RHOBTB2: variants seen among roughly 807,000 people sequenced by gnomAD.
RHOBTB2 encodes the protein Rho related BTB domain containing 2, also known as rho-related BTB domain-containing protein 2.
Under a neutral mutation model 66.5 loss-of-function variants are expected in RHOBTB2, and 39 were observed. The ratio of observed to expected loss-of-function variants is 0.59; its 90% CI spans 0.45 to 0.77. The LOEUF (loss-of-function observed/expected upper bound fraction) is 0.77. Among genes scored for constraint, RHOBTB2 ranks in the 30% least tolerant of loss-of-function variants. The pLI is 0.00. For synonymous variants in RHOBTB2, 390 were observed against 395.0 expected, an observed-to-expected ratio of 0.99 and a Z score of 0.15; for missense variants, 755 against 999.1, an observed-to-expected ratio of 0.76 and a Z score of 3.29.
At chr8:23,014,909 C>A in intron 8 of RHOBTB2, 131 bp downstream of exon 8, 1 of 724,668 alleles carries the variant, frequency 1.4e-6, no homozygotes, top group Admixed American at 2.2e-5. Flanking sequence ...TCTTTGACTG[C>A]GCGTAGCCCA....
At chr8:22,975,576 G>C in the RHOBTB2 span, among the ~76,000 whole-genome samples, 1 of 152,196 alleles carries the variant, frequency 6.6e-6, no homozygotes, top group Non-Finnish European at 1.5e-5. Context: ...GCACTAGAAA[G>C]TGCTAGAACT....
the RHOBTB2 span, among the ~76,000 whole-genome samples, chr8:22,975,891 T>C: frequency 1.3e-5 from 2 of 152,138 alleles, no homozygotes; most frequent in Non-Finnish European, 2.9e-5. Context: ...CTCACACCTG[T>C]AATCTCAGCA....
chr8:22,995,779 C>T, upstream of RHOBTB2: 1 of 1,448,960 alleles, frequency 6.9e-7, no homozygotes, highest in Non-Finnish European at 9.5e-7. Context: ...GTGCCCCAGC[C>T]TGCACATGGC....
intron 5 of RHOBTB2, 78 bp from the exon 6 acceptor site, chr8:23,007,915 G>A (rs1275046507): frequency 1.3e-6 from 2 of 1,502,584 alleles, no homozygotes; most frequent in African/African-American, 2.8e-5. Flanking sequence ...GGGTTCAGGA[G>A]GAGGCTCCGT....
the RHOBTB2 span, among the ~76,000 whole-genome samples, chr8:22,964,196 AT>A: frequency 6.6e-6 from 1 of 152,174 alleles, no homozygotes; most frequent in Non-Finnish European, 1.5e-5. Context: ...ACCCGCCACC[AT>A]AATTCAGTCA....
intron 1 of RHOBTB2, among the ~76,000 whole-genome samples, chr8:23,002,713 C>T (rs1024319572): frequency 6.6e-6 from 1 of 151,978 alleles, no homozygotes; most frequent in Admixed American, 6.6e-5. Context: ...AAACAAAAAA[C>T]GGTTGTCTGC....
At chr8:22,989,505 T>A (rs886389699) in intron 1 of RHOBTB2, among the ~76,000 whole-genome samples, 7 of 152,228 alleles carry the variant, frequency 4.6e-5, no homozygotes, top group Non-Finnish European at 7.3e-5. Context: ...TGCTTGTGGA[T>A]GTGGCAGGGC....
At chr8:22,979,522 C>T in the RHOBTB2 span, among the ~76,000 whole-genome samples, 2 of 151,826 alleles carry the variant, frequency 1.3e-5, no homozygotes, top group Admixed American at 6.6e-5. Context: ...CTTATGGATA[C>T]GCCATTATTT....
Position 23,017,190 on chromosome 8 carries a change from G to T in RHOBTB2, c.1967-62G>T. The T allele has an allele frequency of 1.9e-6, 3 of 1,594,788 alleles. No homozygotes were observed. Among genetic ancestry groups the T allele is most frequent in the Non-Finnish European group, 2.6e-6 (3 of 1,169,376 alleles). On this transcript the variant is annotated intron_variant, in intron 9 of 9. Transcript: ENST00000251822. The surrounding 1 kb of genome is among the most constrained non-coding windows in gnomAD (Gnocchi z 5.3). Reference sequence around the variant, plus strand: ...GGCCTTGTGGTGGGGTAGGGCTGGTGTCCCACGTTCCTCTTGTCCCTCTGC... The same window carrying T: ...GGCCTTGTGGTGGGGTAGGGCTGGTTTCCCACGTTCCTCTTGTCCCTCTGC...
Position 23,006,870 on chromosome 8 carries a change from A to C in RHOBTB2, c.625A>C (p.Ile209Leu). The C allele has an allele frequency of 6.2e-7, 1 of 1,613,976 alleles. No homozygotes were observed. Among genetic ancestry groups the C allele is most frequent in the Non-Finnish European group, 8.5e-7 (1 of 1,179,970 alleles). The change falls in exon 5 of 10, where the codon ATC (isoleucine) becomes CTC (leucine). Residue 209 changes from isoleucine (I) to leucine (L), a missense_variant. By Grantham distance (5) the Ile-to-Leu change is conservative. This residue lies in a region of RHOBTB2 where 35 missense variants were observed against 38.1 expected (regional missense o/e 0.92). Coordinates refer to ENST00000251822, the MANE Select transcript of RHOBTB2 (RefSeq NM_015178.3). The surrounding 1 kb of genome is among the most constrained non-coding windows in gnomAD (Gnocchi z 6.1). ...TGACAACGCCATCCGAGCTGCACTC[A>C]TCTCCCGCCGCCACCTGCAGTTCTG... Reference protein sequence around the residue: ...VFDNAIRAALISRRHLQFWKS... With the variant: ...VFDNAIRAALLSRRHLQFWKS...
intron 1 of RHOBTB2, among the ~76,000 whole-genome samples, chr8:23,002,336 C>T (rs549252579): frequency 2.6e-5 from 4 of 152,292 alleles, no homozygotes; most frequent in East Asian, 3.9e-4. Flanking sequence ...GTGGGGTTCC[C>T]GGTCCTCAGT....
the RHOBTB2 span, among the ~76,000 whole-genome samples, chr8:22,980,862 T>C: frequency 2.0e-5 from 3 of 152,238 alleles, no homozygotes; most frequent in Admixed American, 6.5e-5. Flanking sequence ...CTTGATTACA[T>C]TAAGTGCACC....
the RHOBTB2 span, among the ~76,000 whole-genome samples, chr8:22,972,685 G>A: frequency 6.6e-6 from 1 of 152,198 alleles, no homozygotes; most frequent in South Asian, 2.1e-4. Flanking sequence ...GATGTGGAGG[G>A]TTGGACCCTA....
chr8:23,000,261 G>T (rs1042659448), intron 1 of RHOBTB2, among the ~76,000 whole-genome samples, 156 bp downstream of exon 1: 19 of 152,254 alleles, frequency 1.2e-4, no homozygotes, highest in Non-Finnish European at 1.8e-4. Context: ...AGCGGGGCTG[G>T]AGCCTAATCC....
the RHOBTB2 span, among the ~76,000 whole-genome samples, chr8:22,968,797 A>AG: frequency 6.6e-6 from 1 of 151,642 alleles, no homozygotes; most frequent in Non-Finnish European, 1.5e-5. Context: ...AATAAAAAAA[A>AG]TCAGATAGTT....
At chr8:22,966,948 C>G in the RHOBTB2 span, among the ~76,000 whole-genome samples, 1 of 152,162 alleles carries the variant, frequency 6.6e-6, no homozygotes, top group East Asian at 1.9e-4. Context: ...CTCTGCACTA[C>G]TGATGGGGAT....
chr8:23,010,044 G>A (rs1354709030), intron 6 of RHOBTB2, among the ~76,000 whole-genome samples: 1 of 152,178 alleles, frequency 6.6e-6, no homozygotes, highest in Non-Finnish European at 1.5e-5. Context: ...TTCTGTGCAG[G>A]GATGGGAGGG....
upstream of RHOBTB2, among the ~76,000 whole-genome samples, chr8:22,982,818 T>C (rs1433932068): frequency 6.6e-6 from 1 of 152,242 alleles, no homozygotes; most frequent in Non-Finnish European, 1.5e-5. Flanking sequence ...TTCCAAAGGC[T>C]GGACAGTCTG....
chr8:23,015,752 C>T lies in RHOBTB2; in HGVS notation c.1966+9C>T, dbSNP rs778347273. On this transcript the variant is annotated intron_variant, in intron 9 of 9. Coordinates refer to ENST00000251822, the MANE Select transcript of RHOBTB2 (RefSeq NM_015178.3). ...GAAGGCCATGTCCCCAGGTGAGCAT[C>T]GGGGCCAGTCCTGGCAGTACCTGCT... 18 of 1,589,242 alleles carry T rather than the reference C, an allele frequency of 1.1e-5. No individual in the cohort carries two copies. In the Admixed American group the frequency reaches 1.2e-4, roughly 10 times the overall value.
Sources: gnomAD v4.1 joint callset for allele counts (sites outside exome capture counted in the v4.1 genomes callset) on GRCh38, gnomAD v4.1.1 for gene constraint, gnomAD v4.1.1 regional missense constraint, Gnocchi (gnomAD v3.1) non-coding constraint, MANE v1.5 for transcripts, NCBI Gene and HGNC (gene_info 2026-07-23, HGNC 2026-07-21) for gene names.